Variants in HERPUD1 observed in about 807,000 individuals in gnomAD.
The protein encoded by HERPUD1 is homocysteine inducible ER protein with ubiquitin like domain 1.
In HERPUD1, 17 loss-of-function variants were observed where a neutral mutation model predicts 45.0. The observed-to-expected ratio is 0.38, with a 90% CI of 0.26 to 0.57. The LOEUF (loss-of-function observed/expected upper bound fraction) is 0.57, where lower values mean the gene tolerates loss of function less well. HERPUD1 is among the 20% of genes least tolerant of loss of function. The probability of loss-of-function intolerance (pLI) is 0.72; values close to 1 mark genes in which losing one functional copy is unlikely to be tolerated. For synonymous variants in HERPUD1, 164 were observed against 177.5 expected, an observed-to-expected ratio of 0.92 and a Z score of 0.61; for missense variants, 420 against 490.5, an observed-to-expected ratio of 0.86 and a Z score of 1.36.
rs137925906 is a variant in HERPUD1, at chr16:56,943,577, A to G, written c.*287A>G. 46 of 480,362 alleles carry G rather than the reference A, an allele frequency of 9.6e-5. No individual in the cohort carries two copies. Among genetic ancestry groups the G allele is most frequent in the East Asian group, 6.6e-4 (18 of 27,358 alleles). 29.8% of individuals were successfully genotyped at this position (480,362 alleles called of 1,614,324 possible). A position where few individuals can be genotyped will look rare whatever the true frequency, so the allele number is the denominator to read the frequency against. On this transcript the variant is annotated 3_prime_UTR_variant, in exon 8 of 8. Transcript: ENST00000439977. ...AGAAGGCCTTAGGTGTTGCATGTCT[A>G]TGCTTGAGGAACTTTTCCAAATGTG...
intron 7 of HERPUD1, 141 bp downstream of exon 7, chr16:56,942,378 G>T: frequency 1.6e-6 from 1 of 607,818 alleles, no homozygotes; most frequent in Non-Finnish European, 2.9e-6. Context: ...TCTTCTTAGA[G>T]CAGCAGCTAT....
At chr16:56,935,358 C>T (rs1436803389) in intron 2 of HERPUD1, 43 bp from the exon 3 acceptor site, 8 of 1,609,546 alleles carry the variant, frequency 5.0e-6, no homozygotes, top group Non-Finnish European at 6.8e-6. Context: ...AAGCACTCAC[C>T]AGGTTAGGTT....
chr16:56,932,167 C>G lies in HERPUD1; in HGVS notation c.-78C>G. 3 of 1,563,298 alleles carry G rather than the reference C, an allele frequency of 1.9e-6. No homozygotes were observed. The highest frequency in any genetic ancestry group is 2.6e-6 in the Non-Finnish European group (3 of 1,161,418). On this transcript the variant is annotated 5_prime_UTR_variant, in exon 1 of 8. Coordinates refer to ENST00000439977, the MANE Select transcript of HERPUD1 (RefSeq NM_014685.4). ...GCCCCAGAGACGTGAACTGTCGTTGCAGAGATTGCGGGCGGCTGAGACGCC... is the reference window on the plus strand; with the variant it reads ...GCCCCAGAGACGTGAACTGTCGTTGGAGAGATTGCGGGCGGCTGAGACGCC...
In HERPUD1 at chr16:56,932,269, C is replaced by G. The variant is rs1432842774; in HGVS notation, c.25C>G (p.Pro9Ala). The G allele has an allele frequency of 1.9e-6, 3 of 1,608,956 alleles. No homozygotes were observed. Among genetic ancestry groups the G allele is most frequent in the Admixed American group, 3.3e-5 (2 of 59,916 alleles). The change falls in exon 1 of 8, where the codon CCC becomes GCC. Residue 9 changes from proline to alanine, a missense_variant. Physicochemically the swap from Pro to Ala is conservative, Grantham distance 27. Transcript: ENST00000439977. MESETEPE[P>A]VTLLVKSPNQ... ...CATGGAGTCCGAGACCGAACCCGAG[C>G]CCGTCACGCTCCTGGTGAAGAGCCC...
At chr16:56,937,926 A>G (rs2055878810) in intron 4 of HERPUD1, among the ~76,000 whole-genome samples, 1 of 152,020 alleles carries the variant, frequency 6.6e-6, no homozygotes, top group African/African-American at 2.4e-5. Flanking sequence ...TTGGATAGAA[A>G]ATTATTGGTT....
intron 1 of HERPUD1, chr16:56,933,078 C>T (rs2055839727): frequency 2.8e-6 from 1 of 360,966 alleles, no homozygotes; most frequent in Non-Finnish European, 5.4e-6. Flanking sequence ...GTCAACATCA[C>T]CCTTAGCACC....
At chr16:56,933,671 C>T (rs1202871768) in intron 1 of HERPUD1, among the ~76,000 whole-genome samples, 6 of 152,218 alleles carry the variant, frequency 3.9e-5, no homozygotes, top group African/African-American at 1.4e-4. Flanking sequence ...CTGAAACATA[C>T]TTATCATTTG....
rs37024 is a variant in HERPUD1 at position 56,932,159 on chromosome 16, T to A, written c.-86T>A. ...GGGCGCGCGCCCCAGAGACGTGAACTGTCGTTGCAGAGATTGCGGGCGGCT... is the reference window on the plus strand; with the variant it reads ...GGGCGCGCGCCCCAGAGACGTGAACAGTCGTTGCAGAGATTGCGGGCGGCT... On this transcript the variant is annotated 5_prime_UTR_variant, in exon 1 of 8. Transcript: ENST00000439977. 6.4e-7 allele frequency: 1 copy of A among 1,553,320 alleles called. No individual in the cohort carries two copies. The highest frequency in any genetic ancestry group is 1.9e-5 in the Admixed American group (1 of 52,280).
At chr16:56,938,230 C>T (rs893154083) in intron 4 of HERPUD1, among the ~76,000 whole-genome samples, 29 of 152,312 alleles carry the variant, frequency 1.9e-4, no homozygotes, top group African/African-American at 6.3e-4. Flanking sequence ...CTCGCATACA[C>T]CTGCCCTGTG....
chr16:56,937,036 T>A, intron 4 of HERPUD1: 1 of 352,980 alleles, frequency 2.8e-6, no homozygotes, highest in Middle Eastern at 7.9e-4. Flanking sequence ...GTAATGCATA[T>A]ATTGAAAAAA....
rs1454265458 is a variant in HERPUD1, at chr16:56,932,477, G to A, written c.147+86G>A. The A allele has an allele frequency of 2.0e-5, 24 of 1,228,338 alleles. 1 individual carries two copies. The highest frequency in any genetic ancestry group is 2.1e-5 in the Non-Finnish European group (19 of 910,818). 76.1% of individuals were successfully genotyped at this position (1,228,338 alleles called of 1,614,324 possible). On this transcript the variant is annotated intron_variant, in intron 1 of 7. Coordinates refer to ENST00000439977, the MANE Select transcript of HERPUD1 (RefSeq NM_014685.4). ...CCACGTCCGGCTGCCCTGTCCTGTG[G>A]CCTCCTCCCGCTGACGGCTGCGATC... is the stretch of plus-strand genomic sequence containing the variant.
At chr16:56,941,971 T>G in intron 6 of HERPUD1, 161 bp from the exon 7 acceptor site, 17 of 605,120 alleles carry the variant, frequency 2.8e-5, no homozygotes, top group East Asian at 8.2e-5. Context: ...TACAGACTGG[T>G]GAGAATGTCT....
rs769442476 is a variant in HERPUD1, at chr16:56,939,953, C to T, written c.613C>T (p.Pro205Ser). The change falls in exon 6 of 8, where the codon CCT (proline) becomes TCT (serine). Residue 205 changes from proline to serine, a missense_variant. Physicochemically the swap from Pro to Ser is moderately conservative, Grantham distance 74. Coordinates refer to ENST00000439977, the MANE Select transcript of HERPUD1 (RefSeq NM_014685.4). ...TCCACCACCAAGTGCACAAGAGATA[C>T]CTGTGGTCTCTGCACCTGCTCCAGC... ...FVPPPSAQEIPVVSAPAPAPI... is the reference protein window; with the variant it reads ...FVPPPSAQEISVVSAPAPAPI... 1.2e-6 allele frequency: 2 copies of T among 1,610,724 alleles called. No homozygotes were observed. The highest frequency in any genetic ancestry group is 1.7e-6 in the Non-Finnish European group (2 of 1,178,456).
At chr16:56,933,922 G>A (rs898193483) in intron 1 of HERPUD1, among the ~76,000 whole-genome samples, 3 of 152,160 alleles carry the variant, frequency 2.0e-5, no homozygotes, top group Non-Finnish European at 2.9e-5. Flanking sequence ...CCAAATTCAC[G>A]TATGTATTAG....
chr16:56,939,576 T>C (rs2144823297), intron 5 of HERPUD1, among the ~76,000 whole-genome samples: 1 of 152,366 alleles, frequency 6.6e-6, no homozygotes, highest in Admixed American at 6.5e-5. Context: ...CATAGTTTAG[T>C]GACTTTATTT....
chr16:56,932,159 T>C lies in HERPUD1; in HGVS notation c.-86T>C, dbSNP rs37024. On this transcript the variant is annotated 5_prime_UTR_variant, in exon 1 of 8. Transcript: ENST00000439977. Reference sequence around the variant, plus strand: ...GGGCGCGCGCCCCAGAGACGTGAACTGTCGTTGCAGAGATTGCGGGCGGCT... The same window carrying C: ...GGGCGCGCGCCCCAGAGACGTGAACCGTCGTTGCAGAGATTGCGGGCGGCT... The C allele has an allele frequency of 4.5e-6, 7 of 1,553,576 alleles. No individual in the cohort carries two copies. Among genetic ancestry groups the C allele is most frequent in the Admixed American group, 1.9e-5 (1 of 52,310 alleles).
chr16:56,939,291 C>G lies in HERPUD1; in HGVS notation c.486C>G (p.Tyr162Ter). The G allele has an allele frequency of 1.9e-6, 3 of 1,614,232 alleles. No individual in the cohort carries two copies. The highest frequency in any genetic ancestry group is 2.5e-6 in the Non-Finnish European group (3 of 1,180,032). ...FQGLGPGFSG[Y>*]TPYGWLQLSW... Reference sequence around the variant, plus strand: ...GCCTGGGTCCTGGTTTCTCCGGTTACACACCCTATGGGTGGCTTCAGCTTT... The same window carrying G: ...GCCTGGGTCCTGGTTTCTCCGGTTAGACACCCTATGGGTGGCTTCAGCTTT... The change falls in exon 5 of 8, where the codon TAC (tyrosine) becomes TAG (stop). Residue 162 changes from tyrosine (Y) to a stop codon, truncating the protein, a stop_gained. Coordinates refer to ENST00000439977, the MANE Select transcript of HERPUD1 (RefSeq NM_014685.4). LOFTEE classifies it high-confidence loss of function.
At chr16:56,940,285 GT>G in intron 6 of HERPUD1, 40 bp downstream of exon 6, 9 of 1,396,854 alleles carry the variant, frequency 6.4e-6, no homozygotes, top group Non-Finnish European at 9.0e-6. Flanking sequence ...ACACTACACT[GT>G]GTTCACACTA....
Position 56,942,206 on chromosome 16 carries a change from T to G in HERPUD1, c.980T>G (p.Val327Gly). 4 of 1,614,094 alleles carry G rather than the reference T, an allele frequency of 2.5e-6. No homozygotes were observed. The highest frequency in any genetic ancestry group is 3.4e-6 in the Non-Finnish European group (4 of 1,179,940). Residue 327 changes from valine (V) to glycine (G), a missense_variant, in exon 7 of 8, where the codon GTT (valine) becomes GGT (glycine). Val to Gly is a moderately radical substitution (Grantham distance 109). Transcript: ENST00000439977. ...NFPNDGPPPD[V>G]VNQDPNNNLQ... ...CCAAATGATGGTCCTCCTCCTGACGTTGTAAATCAGGACCCCAACAATAAC... is the reference window on the plus strand; with the variant it reads ...CCAAATGATGGTCCTCCTCCTGACGGTGTAAATCAGGACCCCAACAATAAC...
Sources: allele counts gnomAD v4.1 joint callset (sites outside exome capture counted in the v4.1 genomes callset), GRCh38; gene constraint gnomAD v4.1.1; transcripts MANE v1.5; gene names NCBI Gene and HGNC (gene_info 2026-07-23, HGNC 2026-07-21).